The following CSMD3 variants were observed in gnomAD, a reference collection of about 807,000 sequenced individuals.
CSMD3 encodes CUB and Sushi multiple domains 3.
A neutral mutation model predicts 435.2 loss-of-function variants in CSMD3; 177 were observed. The ratio of observed to expected loss-of-function variants is 0.41; its 90% CI spans 0.36 to 0.46. The LOEUF (loss-of-function observed/expected upper bound fraction) is 0.46, where lower values mean the gene tolerates loss of function less well. Ranked by LOEUF, CSMD3 falls within the 20% of genes least tolerant of loss-of-function variation. The pLI, the probability that CSMD3 is intolerant of heterozygous loss-of-function variation, is 0.34. For synonymous variants in CSMD3, 1,656 were observed against 1,520.5 expected (o/e 1.09, Z -2.07); for missense variants, 4,265 against 4,504.6 (o/e 0.95, Z 1.52).
chr8:112,580,140 T>A (rs751980587), intron 23 of CSMD3, among the ~76,000 whole-genome samples: 5 of 152,050 alleles, frequency 3.3e-5, no homozygotes, highest in African/African-American at 7.2e-5. Context: ...CAATTTTCAT[T>A]CTACCAGGCT....
rs528025891 is a variant in CSMD3, at chr8:112,843,617, T to C, written c.1756-13828A>G. Among the ~76,000 whole-genome samples, 5 of 151,938 alleles carry C rather than the reference T, an allele frequency of 3.3e-5. No individual in the cohort carries two copies. The South Asian group carries it at 8.3e-4, about 25-fold the overall frequency. On this transcript the variant is annotated intron_variant, in intron 11 of 70. Transcript: ENST00000297405. ...AAGAAGTCAGAAGAATGTGCAAATA[T>C]GACATCAGAAGGACTAGACACATCT...
intron 22 of CSMD3, among the ~76,000 whole-genome samples, chr8:112,606,972 GA>G (rs71309778): frequency 1.9e-3 from 70 of 36,632 alleles, no homozygotes; most frequent in East Asian, 6.5e-3. Context: ...CTCAAGCTAT[GA>G]AAAAAAAAAA....
intron 32 of CSMD3, among the ~76,000 whole-genome samples, chr8:112,433,871 C>T (rs1814025949): frequency 6.6e-6 from 1 of 151,534 alleles, no homozygotes; most frequent in South Asian, 2.1e-4. Context: ...TTGTTAGAAT[C>T]AATTACTTCT....
intron 4 of CSMD3, among the ~76,000 whole-genome samples, chr8:113,115,358 G>C (rs928915243): frequency 2.0e-5 from 3 of 152,188 alleles, no homozygotes; most frequent in Non-Finnish European, 4.4e-5. Flanking sequence ...ATAGCTTGAT[G>C]AATTTTCACA....
intron 38 of CSMD3, among the ~76,000 whole-genome samples, chr8:112,353,947 A>C (rs1393343061): frequency 6.6e-6 from 1 of 152,196 alleles, no homozygotes; most frequent in Non-Finnish European, 1.5e-5. Context: ...TAAAATCCTC[A>C]GCAAAATACT....
In CSMD3 at chr8:112,341,513, A is replaced by T. The variant is rs761655503; in HGVS notation, c.6616T>A (p.Ser2206Thr). The stretch of plus-strand genomic sequence containing the variant: ...ATATGAAACCCTTGTTTGTTTTGTG[A>T]ATAGTCACTGTGAAAATATAAGCTG... ...ETSLYFHSDY[S>T]QNKQGFHIVY... The change falls in exon 42 of 71, where the codon TCA becomes ACA. Residue 2206 changes from serine to threonine, a missense_variant. Physicochemically the swap from Ser to Thr is moderately conservative, Grantham distance 58. This residue lies in a region of CSMD3 where 3,255 missense variants were observed against 3,380.2 expected (regional missense o/e 0.96). Coordinates refer to ENST00000297405, the MANE Select transcript of CSMD3 (RefSeq NM_198123.2). 1 of 1,612,986 alleles carries T rather than the reference A, an allele frequency of 6.2e-7. No individual in the cohort carries two copies. Among genetic ancestry groups the T allele is most frequent in the South Asian group, 1.1e-5 (1 of 91,038 alleles).
At chr8:113,197,298 T>C (rs544146241) in intron 3 of CSMD3, among the ~76,000 whole-genome samples, 3 of 150,102 alleles carry the variant, frequency 2.0e-5, no homozygotes, top group East Asian at 3.9e-4. Flanking sequence ...CTTCAGCCTA[T>C]ATATATATAT....
intron 66 of CSMD3, among the ~76,000 whole-genome samples, 155 bp downstream of exon 66, chr8:112,241,565 G>A (rs1355146259): frequency 1.3e-5 from 2 of 151,964 alleles, no homozygotes; most frequent in African/African-American, 4.8e-5. Context: ...GTATTACATT[G>A]CTTTAAATTC....
intron 32 of CSMD3, among the ~76,000 whole-genome samples, chr8:112,447,839 C>T (rs775371425): frequency 2.6e-5 from 4 of 152,144 alleles, no homozygotes; most frequent in Non-Finnish European, 5.9e-5. Flanking sequence ...AACAGAAACA[C>T]ATTGTCATAA....
chr8:112,395,778 G>A (rs531959905), intron 35 of CSMD3, among the ~76,000 whole-genome samples: 1 of 152,248 alleles, frequency 6.6e-6, no homozygotes, highest in South Asian at 2.1e-4. Context: ...GGGGGTTTAG[G>A]AGACTGCATA....
intron 24 of CSMD3, among the ~76,000 whole-genome samples, chr8:112,564,702 T>C (rs997383530): frequency 2.0e-5 from 3 of 152,018 alleles, no homozygotes; most frequent in Non-Finnish European, 2.9e-5. Context: ...CTGCCTTTAA[T>C]TGGCAGAATC....
chr8:112,497,202 C>T (rs1282012172), intron 30 of CSMD3, among the ~76,000 whole-genome samples: 1 of 151,866 alleles, frequency 6.6e-6, no homozygotes, highest in Non-Finnish European at 1.5e-5. Context: ...ATGATGCTTA[C>T]CAGAGGCTGG....
chr8:112,286,644 A>G (rs1819232054), intron 58 of CSMD3, among the ~76,000 whole-genome samples: 1 of 152,104 alleles, frequency 6.6e-6, no homozygotes, highest in Non-Finnish European at 1.5e-5. Flanking sequence ...ATAATTTATA[A>G]ATAAAACTTT....
At position 112,286,406 on chromosome 8, in the gene CSMD3, A is replaced by T. The variant is rs183417943; in HGVS notation, c.9331+658T>A. On this transcript the variant is annotated intron_variant, in intron 58 of 70. Coordinates refer to ENST00000297405, the MANE Select transcript of CSMD3 (RefSeq NM_198123.2). ...GCATGATGAAATATCATGTCGTCCCACATGGAAAGTGAATCATCCCTTGTC... is the reference window on the plus strand; with the variant it reads ...GCATGATGAAATATCATGTCGTCCCTCATGGAAAGTGAATCATCCCTTGTC... Among the ~76,000 whole-genome samples the T allele has an allele frequency of 1.8e-3, 268 of 152,238 alleles. 1 individual carries two copies. The highest frequency in any genetic ancestry group is 6.3e-3 in the African/African-American group (260 of 41,568).
intron 6 of CSMD3, among the ~76,000 whole-genome samples, chr8:112,990,070 A>G (rs1024351609): frequency 1.3e-5 from 2 of 151,968 alleles, no homozygotes; most frequent in African/African-American, 4.8e-5. Flanking sequence ...ACCTTCCGCC[A>G]TGATTGTGAG....
intron 61 of CSMD3, among the ~76,000 whole-genome samples, chr8:112,256,543 GCCTGT>G (rs1815822246): frequency 6.6e-6 from 1 of 152,208 alleles, no homozygotes; most frequent in Admixed American, 6.5e-5. Context: ...AGATTAGGAG[GCCTGT>G]GTGGCTGGAG....
chr8:113,264,728 A>T (rs1055608270), intron 3 of CSMD3, among the ~76,000 whole-genome samples: 2 of 151,722 alleles, frequency 1.3e-5, no homozygotes, highest in Non-Finnish European at 3.0e-5. Flanking sequence ...TTTAAAAAAT[A>T]AAAGGCTATT....
intron 10 of CSMD3, among the ~76,000 whole-genome samples, chr8:112,912,219 A>G (rs1397335435): frequency 6.6e-6 from 1 of 151,548 alleles, no homozygotes; most frequent in Non-Finnish European, 1.5e-5. Context: ...AGCAATGAAT[A>G]TGGGAATGTA....
intron 1 of CSMD3, among the ~76,000 whole-genome samples, chr8:113,348,669 C>T (rs920773359): frequency 1.3e-5 from 2 of 151,960 alleles, no homozygotes; most frequent in Admixed American, 6.6e-5. Context: ...TGTTTTTAGT[C>T]CTCTGAATAC....
Sources: gnomAD v4.1 joint callset for allele counts (sites outside exome capture counted in the v4.1 genomes callset) on GRCh38, gnomAD v4.1.1 for gene constraint, gnomAD v4.1.1 regional missense constraint, MANE v1.5 for transcripts, NCBI Gene and HGNC (gene_info 2026-07-23, HGNC 2026-07-21) for gene names.